The following KLHL28 variants were observed in gnomAD, a reference collection of about 807,000 sequenced individuals.
KLHL28 encodes kelch like family member 28.
KLHL28 carries 22 observed loss-of-function variants against 48.3 expected under a neutral mutation model. That is an observed-to-expected ratio of 0.46 (90% confidence interval 0.33 to 0.65). The LOEUF (loss-of-function observed/expected upper bound fraction) is 0.65, where lower values mean the gene tolerates loss of function less well. KLHL28 is among the 30% of genes least tolerant of loss of function. The pLI is 0.03. For synonymous variants in KLHL28, 243 were observed against 242.4 expected (o/e 1.00, Z -0.02); for missense variants, 527 against 704.3 (o/e 0.75, Z 2.85).
chr14:44,943,375 A>G (rs1884182696), intron 2 of KLHL28, among the ~76,000 whole-genome samples: 1 of 152,202 alleles, frequency 6.6e-6, no homozygotes, highest in African/African-American at 2.4e-5. Flanking sequence ...ATGTATTATG[A>G]GGCTGGGTGC....
At position 44,924,662 on chromosome 14, in the gene KLHL28, T is replaced by C. The variant is rs1470565949; in HGVS notation, c.*4366A>G. The C allele has an allele frequency of 2.0e-5, 3 of 152,648 alleles. No individual in the cohort carries two copies. Among genetic ancestry groups the C allele is most frequent in the Admixed American group, 2.0e-4 (3 of 15,282 alleles). The allele number at this position is 152,648 out of a possible 1,614,324, so 9.5% of individuals were successfully genotyped here. On this transcript the variant is annotated 3_prime_UTR_variant, in exon 5 of 5. Transcript: ENST00000396128. Reference sequence around the variant, plus strand: ...AATCAAAACCGTTGCTGGTTTATAATACACAGCACAATTCATAAGGCAAAA... The same window carrying C: ...AATCAAAACCGTTGCTGGTTTATAACACACAGCACAATTCATAAGGCAAAA...
chr14:44,930,157 T>C (rs28544334), intron 4 of KLHL28, among the ~76,000 whole-genome samples: 7,173 of 152,268 alleles, frequency 0.047, 556 homozygotes, highest in African/African-American at 0.16. Context: ...CAAATTATAG[T>C]AAACACTAAA....
chr14:44,936,346 T>A (rs1360374179), intron 2 of KLHL28, among the ~76,000 whole-genome samples: 1 of 151,728 alleles, frequency 6.6e-6, no homozygotes. Context: ...GATGATGATA[T>A]AGGAGAGAGA....
At chr14:44,944,640 C>T (rs1481732533) in intron 2 of KLHL28, among the ~76,000 whole-genome samples, 1 of 152,192 alleles carries the variant, frequency 6.6e-6, no homozygotes, top group Non-Finnish European at 1.5e-5. Flanking sequence ...AGTTCCCTCA[C>T]CACAGGTTCC....
Position 44,946,551 on chromosome 14 carries a change from CTTTTTTTTTTTTTT to C in KLHL28, c.1-637_1-624del, listed in dbSNP as rs397853423. ...CTATATATACCATACCCACTCAACTCTTTTTTTTTTTTTTTTTTTTTTTAAGATGGAATCTCACT... is the reference window on the plus strand; with the variant it reads ...CTATATATACCATACCCACTCAACTCTTTTTTTTTAAGATGGAATCTCACT... On this transcript the variant is annotated intron_variant, in intron 1 of 4. Coordinates refer to ENST00000396128, the MANE Select transcript of KLHL28 (RefSeq NM_017658.5). Among the ~76,000 whole-genome samples, 3 of 122,526 alleles carry C rather than the reference CTTTTTTTTTTTTTT, an allele frequency of 2.4e-5. No individual in the cohort carries two copies. In the South Asian group the frequency reaches 7.9e-4, roughly 32 times the overall value. The allele number at this position is 122,526 out of a possible 152,430, so 80.4% of individuals were successfully genotyped here. A position where few individuals can be genotyped will look rare whatever the true frequency, so the allele number is the denominator to read the frequency against.
chr14:44,932,181 C>A (rs939050732), intron 3 of KLHL28, among the ~76,000 whole-genome samples: 1 of 139,104 alleles, frequency 7.2e-6, no homozygotes, highest in Non-Finnish European at 1.5e-5. Flanking sequence ...TGCCCCCATG[C>A]CTGGCTTGAA....
At position 44,925,841 on chromosome 14, in the gene KLHL28, A is replaced by C. The variant is rs1272695475; in HGVS notation, c.*3187T>G. 6.6e-6 allele frequency: 1 copy of C among 152,164 alleles called. No homozygotes were observed. The highest frequency in any genetic ancestry group is 1.5e-5 in the Non-Finnish European group (1 of 67,994). 9.4% of individuals were successfully genotyped at this position (152,164 alleles called of 1,614,324 possible). ...AAAGCCACTTACATTCTATTACAAC[A>C]TCCAATGATTATTGAATAGCCAAAG... On this transcript the variant is annotated 3_prime_UTR_variant, in exon 5 of 5. Transcript: ENST00000396128.
At chr14:44,946,714 C>T (rs1884352685) in intron 1 of KLHL28, among the ~76,000 whole-genome samples, 1 of 152,054 alleles carries the variant, frequency 6.6e-6, no homozygotes, top group South Asian at 2.1e-4. Context: ...TGCTAACATG[C>T]CTGGCTAATT....
chr14:44,933,806 G>A (rs778032114), intron 3 of KLHL28, among the ~76,000 whole-genome samples: 2 of 152,104 alleles, frequency 1.3e-5, no homozygotes, highest in Non-Finnish European at 2.9e-5. Context: ...TTTACATACT[G>A]TGCACATAGA....
intron 1 of KLHL28, among the ~76,000 whole-genome samples, chr14:44,953,967 A>G (rs73346329): frequency 0.024 from 3,726 of 152,316 alleles, 177 homozygotes; most frequent in African/African-American, 0.085. Flanking sequence ...TCAGTAATAC[A>G]TAAAATATTT....
chr14:44,957,241 C>T (rs973852337), intron 1 of KLHL28, among the ~76,000 whole-genome samples: 2 of 152,058 alleles, frequency 1.3e-5, no homozygotes, highest in Non-Finnish European at 2.9e-5. Flanking sequence ...ATTGAAGATG[C>T]GTGATAGGTA....
chr14:44,943,775 T>A (rs1049500880), intron 2 of KLHL28, among the ~76,000 whole-genome samples: 3 of 151,584 alleles, frequency 2.0e-5, no homozygotes, highest in African/African-American at 7.3e-5. Context: ...TGTGCAATGG[T>A]GCATTCATAG....
At chr14:44,938,523 C>T (rs771734756) in intron 2 of KLHL28, among the ~76,000 whole-genome samples, 1 of 152,114 alleles carries the variant, frequency 6.6e-6, no homozygotes, top group African/African-American at 2.4e-5. Context: ...AGGCGCCCAC[C>T]ACCACGCCCA....
chr14:44,931,843 T>A (rs1432354097), intron 3 of KLHL28, among the ~76,000 whole-genome samples: 1 of 152,156 alleles, frequency 6.6e-6, no homozygotes, highest in African/African-American at 2.4e-5. Flanking sequence ...TACCTAGGGC[T>A]GAACGAACCT....
intron 1 of KLHL28, among the ~76,000 whole-genome samples, chr14:44,951,164 GA>G (rs1448694744): frequency 6.6e-6 from 1 of 152,252 alleles, no homozygotes; most frequent in African/African-American, 2.4e-5. Context: ...AAGGGTGTGG[GA>G]TGGGGTCAAA....
chr14:44,948,830 A>T (rs1173865056), intron 1 of KLHL28, among the ~76,000 whole-genome samples: 2 of 152,078 alleles, frequency 1.3e-5, no homozygotes, highest in Non-Finnish European at 2.9e-5. Context: ...AAAACTCAAG[A>T]TCAAAAATTA....
At chr14:44,933,281 A>G (rs1209746304) in intron 3 of KLHL28, among the ~76,000 whole-genome samples, 1 of 151,034 alleles carries the variant, frequency 6.6e-6, no homozygotes, top group Admixed American at 6.6e-5. Context: ...TCTAATTACT[A>G]TTAAAGATAC....
chr14:44,933,691 T>G (rs1883680500), intron 3 of KLHL28, among the ~76,000 whole-genome samples: 1 of 152,164 alleles, frequency 6.6e-6, no homozygotes, highest in Non-Finnish European at 1.5e-5. Flanking sequence ...CAGAAAGGAA[T>G]ATTTAAATAA....
chr14:44,959,801 C>A (rs543398265), intron 1 of KLHL28, among the ~76,000 whole-genome samples: 8 of 152,178 alleles, frequency 5.3e-5, no homozygotes, highest in African/African-American at 1.9e-4. Flanking sequence ...TAATAAAACA[C>A]CTAATAGTGT....
Sources: gnomAD v4.1 joint callset for allele counts (sites outside exome capture counted in the v4.1 genomes callset) on GRCh38, gnomAD v4.1.1 for gene constraint, MANE v1.5 for transcripts, NCBI Gene and HGNC (gene_info 2026-07-23, HGNC 2026-07-21) for gene names.